The following CLBA1 variants were observed in gnomAD, a reference collection of about 807,000 sequenced individuals.
CLBA1 encodes the protein clathrin binding box of aftiphilin containing 1.
CLBA1 carries 30 observed loss-of-function variants against 28.8 expected under a neutral mutation model. The ratio of observed to expected loss-of-function variants is 1.04; its 90% CI spans 0.78 to 1.41. The LOEUF is 1.41. Ranked by LOEUF, CLBA1 falls within the 40% of genes most tolerant of loss-of-function variation. CLBA1 has a pLI of 0.00. For missense variants in CLBA1, 451 were observed against 412.3 expected, an observed-to-expected ratio of 1.09 and a Z score of -0.81; for synonymous variants, 160 against 152.8, an observed-to-expected ratio of 1.05 and a Z score of -0.35.
chr14:104,986,816 C>T lies in CLBA1; in HGVS notation c.385C>T (p.Pro129Ser). Residue 129 changes from proline to serine, a missense_variant, in exon 1 of 5, where the codon CCT becomes TCT. Pro to Ser is a moderately conservative substitution (Grantham distance 74, BLOSUM62 -1). Coordinates refer to ENST00000547315, the MANE Select transcript of CLBA1 (RefSeq NM_174891.4). The part of the protein sequence containing the change: ...CSSHQPCQGG[P>S]WVTGTSAVPP... ...TTCTCACCAACCATGCCAGGGTGGA[C>T]CTTGGGTGACAGGAACTTCTGCCGT... The T allele has an allele frequency of 6.2e-7, 1 of 1,613,530 alleles. No individual in the cohort carries two copies. Among genetic ancestry groups the T allele is most frequent in the Non-Finnish European group, 8.5e-7 (1 of 1,180,010 alleles).
chr14:104,994,244 G>A, intron 4 of CLBA1: 1 of 985,458 alleles, frequency 1.0e-6, no homozygotes, highest in South Asian at 4.7e-5. Flanking sequence ...AGTCTGTGGT[G>A]TAGTCCAAGA....
chr14:104,988,804 G>A lies in CLBA1; in HGVS notation c.424-139G>A, dbSNP rs1009213563. ...TGCTAACTTGGTGATTTTTAGGAAT[G>A]AATATGTCAAGTGATAGTAACACTA... On this transcript the variant is annotated intron_variant, in intron 1 of 4. Transcript: ENST00000547315. The A allele has an allele frequency of 3.3e-6, 3 of 907,318 alleles. No homozygotes were observed. In the African/African-American group the frequency reaches 5.1e-5, roughly 15 times the overall value. The allele number at this position is 907,318 out of a possible 1,614,324, so 56.2% of individuals were successfully genotyped here. A position where few individuals can be genotyped will look rare whatever the true frequency, so the allele number is the denominator to read the frequency against.
At chr14:104,989,917 G>A in intron 2 of CLBA1, 1 of 348,514 alleles carries the variant, frequency 2.9e-6, no homozygotes, top group Non-Finnish European at 5.8e-6. Flanking sequence ...GGCCCACCGT[G>A]TCCTCTGCTG....
chr14:104,986,808 A>G lies in CLBA1; in HGVS notation c.377A>G (p.Gln126Arg). The change falls in exon 1 of 5, where the codon CAG becomes CGG. Residue 126 changes from glutamine (Q) to arginine (R), a missense_variant. Transcript: ENST00000547315. ...GAGTGCAGTTCTCACCAACCATGCC[A>G]GGGTGGACCTTGGGTGACAGGAACT... The part of the protein sequence containing the change: ...PKECSSHQPC[Q>R]GGPWVTGTSA... 3 of 1,612,864 alleles carry G rather than the reference A, an allele frequency of 1.9e-6. No individual in the cohort carries two copies. The highest frequency in any genetic ancestry group is 2.2e-5 in the East Asian group (1 of 44,790).
At chr14:104,998,765 A>C (rs1256899204), downstream of CLBA1, among the ~76,000 whole-genome samples, 10 of 152,226 alleles carry the variant, frequency 6.6e-5, no homozygotes, top group Non-Finnish European at 1.3e-4. Context: ...AAAGGAGCTG[A>C]GCTGGAGCTG....
chr14:104,993,011 C>G lies in CLBA1; in HGVS notation c.763C>G (p.Leu255Val). The G allele has an allele frequency of 3.1e-6, 5 of 1,614,156 alleles. No individual in the cohort carries two copies. The highest frequency in any genetic ancestry group is 4.2e-6 in the Non-Finnish European group (5 of 1,180,030). ...TGACCTCAAAGAGCCTGAAGGACTC[C>G]TCACTGTCAGCAGCTTCTGTCTCCA... is the stretch of plus-strand genomic sequence containing the variant. ...DCDLKEPEGL[L>V]TVSSFCLQHC... The change falls in exon 4 of 5, where the codon CTC (leucine) becomes GTC (valine). Residue 255 changes from leucine to valine, a missense_variant. Physicochemically the swap from Leu to Val is conservative, Grantham distance 32. Coordinates refer to ENST00000547315, the MANE Select transcript of CLBA1 (RefSeq NM_174891.4).
chr14:104,991,307 AGCCACTGT>A (rs1336364259), intron 2 of CLBA1, 176 bp from the exon 3 acceptor site: 1 of 561,438 alleles, frequency 1.8e-6, no homozygotes, highest in African/African-American at 1.9e-5. Context: ...TACAGGCGTG[AGCCACTGT>A]GCCCAGCCCG....
chr14:104,999,893 G>A (rs1330993434), downstream of CLBA1, among the ~76,000 whole-genome samples: 4 of 152,200 alleles, frequency 2.6e-5, no homozygotes, highest in African/African-American at 9.7e-5. Context: ...AAGAAAAAGA[G>A]CAAATTAAAC....
At chr14:104,989,185 GTAGC>G in intron 2 of CLBA1, 97 bp downstream of exon 2, 21 of 1,282,392 alleles carry the variant, frequency 1.6e-5, no homozygotes, top group Non-Finnish European at 1.8e-5. Context: ...TTTATGGAGA[GTAGC>G]ATCTCTCCTG....
chr14:104,987,286 G>T (rs1181077570), intron 1 of CLBA1, among the ~76,000 whole-genome samples: 4 of 152,340 alleles, frequency 2.6e-5, no homozygotes, highest in South Asian at 2.1e-4. Context: ...TAATGAATTG[G>T]GTGACGCGGG....
rs935119196 is a variant in CLBA1, at chr14:104,994,441, C to T, written c.817-157C>T. On this transcript the variant is annotated intron_variant, in intron 4 of 4. Coordinates refer to ENST00000547315, the MANE Select transcript of CLBA1 (RefSeq NM_174891.4). ...CCCAGCATGTTTTCCCTGGGCGCCT[C>T]TCTGGTGACATCCCATGATGAGAAG... The T allele has an allele frequency of 5.1e-6, 5 of 985,366 alleles. No individual in the cohort carries two copies. The African/African-American group carries it at 7.0e-5, about 14-fold the overall frequency. 61.0% of individuals were successfully genotyped at this position (985,366 alleles called of 1,614,324 possible).
intron 3 of CLBA1, 103 bp downstream of exon 3, chr14:104,991,723 T>A (rs1424811318): frequency 2.9e-6 from 4 of 1,378,294 alleles, no homozygotes; most frequent in South Asian, 1.4e-5. Context: ...GGCAGAGGTG[T>A]GGGTTCAGGT....
At chr14:104,989,663 GA>G in intron 2 of CLBA1, 2 of 456,038 alleles carry the variant, frequency 4.4e-6, no homozygotes, top group Non-Finnish European at 8.8e-6. Flanking sequence ...TTGAAAGACA[GA>G]CAGCGCTCGA....
At chr14:104,990,326 T>C (rs1462325695) in intron 2 of CLBA1, 2 of 154,802 alleles carry the variant, frequency 1.3e-5, no homozygotes, top group Non-Finnish European at 2.9e-5. Flanking sequence ...TTAGCACATT[T>C]GCTCTTCTTC....
Position 104,992,990 on chromosome 14 carries a change from C to A in CLBA1, c.742C>A (p.Leu248Ile). Residue 248 changes from leucine (L) to isoleucine (I), a missense_variant, in exon 4 of 5, where the codon CTC (leucine) becomes ATC (isoleucine). Physicochemically the swap from Leu to Ile is conservative, Grantham distance 5. Transcript: ENST00000547315. ...GQGHIMEDCD[L>I]KEPEGLLTVS... Reference sequence around the variant, plus strand: ...GGGCCACATCATGGAAGATTGTGACCTCAAAGAGCCTGAAGGACTCCTCAC... The same window carrying A: ...GGGCCACATCATGGAAGATTGTGACATCAAAGAGCCTGAAGGACTCCTCAC... The A allele has an allele frequency of 6.2e-7, 1 of 1,614,156 alleles. No individual in the cohort carries two copies. Among genetic ancestry groups the A allele is most frequent in the Non-Finnish European group, 8.5e-7 (1 of 1,180,024 alleles).
chr14:104,994,067 C>T, intron 4 of CLBA1: 1 of 985,160 alleles, frequency 1.0e-6, no homozygotes, highest in Non-Finnish European at 1.2e-6. Context: ...TGCCATGGGG[C>T]AACAGGAGAG....
chr14:104,994,062 T>C, intron 4 of CLBA1: 2 of 985,286 alleles, frequency 2.0e-6, no homozygotes, highest in Non-Finnish European at 2.4e-6. Context: ...ACAGGTGCCA[T>C]GGGGCAACAG....
In CLBA1 at chr14:104,994,666, A is replaced by G. The variant is rs764741548; in HGVS notation, c.885A>G (p.Ser295=). The G allele has an allele frequency of 6.2e-7, 1 of 1,614,064 alleles. No individual in the cohort carries two copies. The highest frequency in any genetic ancestry group is 8.5e-7 in the Non-Finnish European group (1 of 1,179,992). Residue 295 remains serine (S), a synonymous_variant, in exon 5 of 5, where the codon TCA becomes TCG. Transcript: ENST00000547315. ...GCAGCCGCTTCCTGAAGACCCCCTC[A>G]TGCGGAGGTGGCCAGCACATCACTA... ...MTCSRFLKTP[S]CGGGQHITIP... is the part of the protein sequence containing the mutation.
chr14:104,999,293 G>A, downstream of CLBA1: 1 of 948,596 alleles, frequency 1.1e-6, no homozygotes, highest in Non-Finnish European at 1.3e-6. Flanking sequence ...TAGTGGACGT[G>A]GAGCTCTCTC....
Sources: allele counts gnomAD v4.1 joint callset (sites outside exome capture counted in the v4.1 genomes callset), GRCh38; gene constraint gnomAD v4.1.1; transcripts MANE v1.5; gene names NCBI Gene and HGNC (gene_info 2026-07-23, HGNC 2026-07-21).